UTP11: variants seen among roughly 807,000 people sequenced by gnomAD.
UTP11 encodes the protein probable U3 small nucleolar RNA-associated protein 11.
Under a neutral mutation model 39.0 loss-of-function variants are expected in UTP11, and 29 were observed. The ratio of observed to expected loss-of-function variants is 0.74; its 90% CI spans 0.55 to 1.01. The LOEUF (loss-of-function observed/expected upper bound fraction) is 1.01. Among genes scored for constraint, UTP11 ranks in the 50% least tolerant of loss-of-function variants. The pLI is 0.00. For synonymous variants in UTP11, 111 were observed against 105.0 expected (o/e 1.06, Z -0.35); for missense variants, 281 against 306.0 (o/e 0.92, Z 0.61).
At chr1:38,018,829 C>T (rs1366748502) in intron 4 of UTP11, among the ~76,000 whole-genome samples, 3 of 152,190 alleles carry the variant, frequency 2.0e-5, no homozygotes, top group Admixed American at 2.0e-4. Context: ...CTCCCTGAGG[C>T]TCTTCCCTCA....
chr1:38,013,981 C>T (rs1570497645), intron 1 of UTP11, among the ~76,000 whole-genome samples: 2 of 152,234 alleles, frequency 1.3e-5, no homozygotes, highest in African/African-American at 4.8e-5. Context: ...TCCCAAAGTG[C>T]TGGGATTACA....
chr1:38,015,420 G>A (rs1045940124), intron 1 of UTP11, among the ~76,000 whole-genome samples: 1 of 152,206 alleles, frequency 6.6e-6, no homozygotes, highest in Non-Finnish European at 1.5e-5. Context: ...TGGCCCTAGG[G>A]AGAATGGGTT....
chr1:38,022,882 A>T, intron 7 of UTP11, 73 bp downstream of exon 7: 1 of 1,041,942 alleles, frequency 9.6e-7, no homozygotes, highest in Non-Finnish European at 1.4e-6. Context: ...CTTAACTCAG[A>T]CTAGATTTCA....
intron 3 of UTP11, 56 bp downstream of exon 3, chr1:38,017,826 A>G (rs12067225): frequency 0.04 from 57,722 of 1,425,812 alleles, 1,406 homozygotes; most frequent in African/African-American, 0.084. Flanking sequence ...GAAAATAAGG[A>G]CAGGGAGGAG....
intron 1 of UTP11, 136 bp from the exon 2 acceptor site, chr1:38,016,223 C>A: frequency 1.2e-6 from 1 of 849,226 alleles, no homozygotes; most frequent in Non-Finnish European, 1.9e-6. Flanking sequence ...GGGGAGGGAA[C>A]AGGGTCATGG....
At chr1:38,014,043 T>A (rs1451105451) in intron 1 of UTP11, among the ~76,000 whole-genome samples, 1 of 152,236 alleles carries the variant, frequency 6.6e-6, no homozygotes, top group Non-Finnish European at 1.5e-5. Flanking sequence ...GCACTTACTA[T>A]ATGCTAGGCA....
At chr1:38,012,977 A>G (rs1646686833) in intron 1 of UTP11, 112 bp downstream of exon 1, 1 of 1,272,408 alleles carries the variant, frequency 7.9e-7, no homozygotes, top group Non-Finnish European at 1.1e-6. Flanking sequence ...ATATAAATGC[A>G]CGTAAATGTA....
chr1:38,021,370 G>T (rs1257175288), intron 6 of UTP11, among the ~76,000 whole-genome samples: 1 of 152,110 alleles, frequency 6.6e-6, no homozygotes, highest in Non-Finnish European at 1.5e-5. Context: ...TGCCATTTTT[G>T]TCTAGTAATT....
chr1:38,013,466 C>T (rs1057498402), intron 1 of UTP11, among the ~76,000 whole-genome samples: 1 of 152,146 alleles, frequency 6.6e-6, no homozygotes, highest in Admixed American at 6.5e-5. Flanking sequence ...GTAAACAGTT[C>T]TAGGATTTCT....
In UTP11 at chr1:38,019,441, T is replaced by C. The variant is rs1646724841; in HGVS notation, c.567+58T>C. On this transcript the variant is annotated intron_variant, in intron 6 of 7. Transcript: ENST00000373014. Reference sequence around the variant, plus strand: ...TTAGGGGAATCTAGGTGTTTTTTTTTTGTTTTTTTTTTTTTGCTACTGCAT... The same window carrying C: ...TTAGGGGAATCTAGGTGTTTTTTTTCTGTTTTTTTTTTTTTGCTACTGCAT... 3.6e-6 allele frequency: 5 copies of C among 1,372,390 alleles called. No homozygotes were observed. The Admixed American group carries it at 1.3e-4, about 37-fold the overall frequency. 85.0% of individuals were successfully genotyped at this position (1,372,390 alleles called of 1,614,324 possible). A position where few individuals can be genotyped will look rare whatever the true frequency, so the allele number is the denominator to read the frequency against.
intron 6 of UTP11, among the ~76,000 whole-genome samples, chr1:38,020,925 C>CTTT (rs34333804): frequency 6.9e-6 from 1 of 145,170 alleles, no homozygotes. Flanking sequence ...ATTAGGTGTA[C>CTTT]TTTTTTTTTT....
At chr1:38,013,075 G>GC (rs1408881061) in intron 1 of UTP11, among the ~76,000 whole-genome samples, 1 of 152,372 alleles carries the variant, frequency 6.6e-6, no homozygotes, top group Non-Finnish European at 1.5e-5. Context: ...AAGCAGGGGT[G>GC]CCCCCCTTTC....
rs372565114 is a variant in UTP11, at chr1:38,024,064, G to C, written c.*436G>C. 8.9e-4 allele frequency: 136 copies of C among 152,880 alleles called. 1 individual carries two copies. Among genetic ancestry groups the C allele is most frequent in the African/African-American group, 2.5e-3 (105 of 41,542 alleles). The allele number at this position is 152,880 out of a possible 1,614,324, so 9.5% of individuals were successfully genotyped here. On this transcript the variant is annotated 3_prime_UTR_variant, in exon 8 of 8. Coordinates refer to ENST00000373014, the MANE Select transcript of UTP11 (RefSeq NM_016037.4). Reference sequence around the variant, plus strand: ...TGTTGGCCAGGCTGGTTTTGAACTCGTGGCCTCAAGCGATCCTCCCACCTT... The same window carrying C: ...TGTTGGCCAGGCTGGTTTTGAACTCCTGGCCTCAAGCGATCCTCCCACCTT...
intron 7 of UTP11, 129 bp from the exon 8 acceptor site, chr1:38,023,400 ACAGTGGATGCCTTGGG>A: frequency 1.7e-6 from 1 of 601,612 alleles, no homozygotes; most frequent in Non-Finnish European, 2.9e-6. Context: ...TTCATTGCCT[ACAGTGGATGCCTTGGG>A]CAGTAGGGCT....
At chr1:38,016,845 G>A (rs146750003) in intron 2 of UTP11, 8 of 175,668 alleles carry the variant, frequency 4.6e-5, no homozygotes, top group East Asian at 4.4e-4. Flanking sequence ...GAGACCAAGC[G>A]TGGGTGATAA....
chr1:38,016,295 T>G, intron 1 of UTP11, 64 bp from the exon 2 acceptor site: 2 of 1,510,818 alleles, frequency 1.3e-6, no homozygotes, highest in Non-Finnish European at 1.8e-6. Context: ...TTAGATGTCG[T>G]GTTGATTTGG....
rs1646724034 is a variant in UTP11 at position 38,019,315 on chromosome 1, A to G, written c.499A>G (p.Asn167Asp). 1.2e-6 allele frequency: 2 copies of G among 1,614,034 alleles called. No homozygotes were observed. Among genetic ancestry groups the G allele is most frequent in the Non-Finnish European group, 1.7e-6 (2 of 1,180,026 alleles). Residue 167 changes from asparagine to aspartate, a missense_variant, in exon 6 of 8, where the codon AAT (asparagine) becomes GAT (aspartate). Physicochemically the swap from Asn to Asp is conservative, Grantham distance 23. Transcript: ENST00000373014. Reference protein sequence around the residue: ...TAPELVDRVFNRPRIETLQKE... With the variant: ...TAPELVDRVFDRPRIETLQKE... ...CCCGGAGCTAGTCGACAGAGTCTTT[A>G]ATAGGCCCAGGATAGAGACCTTGCA...
chr1:38,023,705 C>A lies in UTP11; in HGVS notation c.*77C>A. The stretch of plus-strand genomic sequence containing the variant: ...CTAGTAACTTCAAATTCCATTACTC[C>A]AAATGGCATGGTTTTCCGGTTTGTA... On this transcript the variant is annotated 3_prime_UTR_variant, in exon 8 of 8. Coordinates refer to ENST00000373014, the MANE Select transcript of UTP11 (RefSeq NM_016037.4). The A allele has an allele frequency of 1.5e-6, 2 of 1,298,292 alleles. No homozygotes were observed. The highest frequency in any genetic ancestry group is 2.1e-6 in the Non-Finnish European group (2 of 932,290). 80.4% of individuals were successfully genotyped at this position (1,298,292 alleles called of 1,614,324 possible). A position where few individuals can be genotyped will look rare whatever the true frequency, so the allele number is the denominator to read the frequency against.
chr1:38,023,259 T>C (rs1308280973), intron 7 of UTP11, among the ~76,000 whole-genome samples: 2 of 152,230 alleles, frequency 1.3e-5, no homozygotes, highest in African/African-American at 4.8e-5. Context: ...GGTCAGCCTT[T>C]CTCAACTGGG....
Sources: gnomAD v4.1 joint callset for allele counts (sites outside exome capture counted in the v4.1 genomes callset) on GRCh38, gnomAD v4.1.1 for gene constraint, MANE v1.5 for transcripts, NCBI Gene and HGNC (gene_info 2026-07-23, HGNC 2026-07-21) for gene names.